Variants in NDP observed in about 807,000 individuals in gnomAD.
NDP encodes norrin cystine knot growth factor NDP, also known as norrin.
A neutral mutation model predicts 8.4 loss-of-function variants in NDP; 2 were observed. The observed-to-expected ratio is 0.24, with a 90% CI of 0.10 to 0.75. NDP has a LOEUF of 0.75. Among genes scored for constraint, NDP ranks in the 30% least tolerant of loss-of-function variants. The pLI is 0.73. For missense variants in NDP, 81 were observed against 110.1 expected (o/e 0.74, Z 1.18); for synonymous variants, 55 against 45.6 (o/e 1.21, Z -0.83).
intron 2 of NDP, among the ~76,000 whole-genome samples, 156 bp downstream of exon 2, chrX:43,958,316 G>A (rs951524781): frequency 8.9e-6 from 1 of 112,506 alleles, no homozygotes; most frequent in South Asian, 3.7e-4. Context: ...AGCACGGGGG[G>A]AAATTCTAAA....
At chrX:43,959,829 G>A (rs1474143924) in intron 1 of NDP, among the ~76,000 whole-genome samples, 1 of 111,624 alleles carries the variant, frequency 9.0e-6, no homozygotes, top group African/African-American at 3.3e-5. Flanking sequence ...AAAACAAAAG[G>A]AACATGATAA....
chrX:43,971,504 T>C (rs2035890925), intron 1 of NDP, among the ~76,000 whole-genome samples: 1 of 111,643 alleles, frequency 9.0e-6, no homozygotes, highest in Non-Finnish European at 1.9e-5. Context: ...TCTGTGGGTG[T>C]CAGCTGCTTG....
chrX:43,958,281 G>A (rs780106897), intron 2 of NDP, among the ~76,000 whole-genome samples, 191 bp downstream of exon 2: 1 of 112,430 alleles, frequency 8.9e-6, no homozygotes, highest in African/African-American at 3.2e-5. Context: ...TGATTGATTA[G>A]GCACTTTTAC....
chrX:43,954,136 C>G (rs940838391), intron 2 of NDP, among the ~76,000 whole-genome samples: 10 of 112,049 alleles, frequency 8.9e-5, no homozygotes, highest in South Asian at 3.8e-4. Flanking sequence ...ATTTCCATGG[C>G]ACCTCTTGAA....
intron 2 of NDP, among the ~76,000 whole-genome samples, chrX:43,952,369 G>A (rs1438877465): frequency 1.8e-5 from 2 of 111,718 alleles, no homozygotes; most frequent in Non-Finnish European, 3.8e-5. Context: ...CTATTAGGTT[G>A]ACTAAGCAGT....
At chrX:43,964,173 C>T (rs1411006479) in intron 1 of NDP, among the ~76,000 whole-genome samples, 1 of 111,668 alleles carries the variant, frequency 9.0e-6, no homozygotes, top group Non-Finnish European at 1.9e-5. Flanking sequence ...TAATAGTCCT[C>T]CAGTCTGTGA....
intron 2 of NDP, among the ~76,000 whole-genome samples, chrX:43,951,632 C>A: frequency 9.0e-6 from 1 of 111,608 alleles, no homozygotes. Context: ...GAATTAAACA[C>A]CCAAGGTTTA....
At chrX:43,957,298 T>C (rs1350128290) in intron 2 of NDP, among the ~76,000 whole-genome samples, 1 of 107,541 alleles carries the variant, frequency 9.3e-6, no homozygotes, top group African/African-American at 3.4e-5. Context: ...TAAGAAGGAA[T>C]TGTGGCCCTG....
At chrX:43,973,149 A>G (rs1217985534) in intron 1 of NDP, among the ~76,000 whole-genome samples, 155 bp downstream of exon 1, 1 of 112,951 alleles carries the variant, frequency 8.9e-6, no homozygotes, top group African/African-American at 3.2e-5. Flanking sequence ...TTTAAGAAAC[A>G]CAATGCTAGC....
chrX:43,967,207 C>A (rs748967614), intron 1 of NDP, among the ~76,000 whole-genome samples: 1 of 111,090 alleles, frequency 9.0e-6, no homozygotes, highest in South Asian at 3.8e-4. Flanking sequence ...TATTCTGCTG[C>A]CTTTGGATTC....
At chrX:43,950,668 T>C (rs1224051143) in intron 2 of NDP, among the ~76,000 whole-genome samples, 2 of 111,141 alleles carry the variant, frequency 1.8e-5, no homozygotes, top group African/African-American at 6.5e-5. Flanking sequence ...TGAAGGAGCC[T>C]GGGATTTATG....
intron 2 of NDP, 134 bp downstream of exon 2, chrX:43,958,338 C>T: frequency 2.6e-6 from 2 of 773,294 alleles, no homozygotes; most frequent in Non-Finnish European, 3.9e-6. Flanking sequence ...GCCTCATTCT[C>T]CCACAAGCCC....
chrX:43,963,435 A>G (rs1403548385), intron 1 of NDP, among the ~76,000 whole-genome samples: 1 of 112,134 alleles, frequency 8.9e-6, no homozygotes, highest in Non-Finnish European at 1.9e-5. Context: ...TTAAGCAAAT[A>G]AAATATAATG....
chrX:43,952,956 C>T (rs1407433124), intron 2 of NDP, among the ~76,000 whole-genome samples: 1 of 111,143 alleles, frequency 9.0e-6, no homozygotes, highest in Non-Finnish European at 1.9e-5. Context: ...AAGAAAGTGC[C>T]CTGAATTCTC....
chrX:43,958,126 A>G (rs1324950709), intron 2 of NDP, among the ~76,000 whole-genome samples: 1 of 111,333 alleles, frequency 9.0e-6, no homozygotes, highest in Non-Finnish European at 1.9e-5. Context: ...CATTCTTTGC[A>G]TTCTCTTCCT....
chrX:43,963,344 T>C (rs17146762), intron 1 of NDP, among the ~76,000 whole-genome samples: 29,389 of 87,503 alleles, frequency 0.34, 3,075 homozygotes, highest in African/African-American at 0.38. Context: ...TTTTCCTGGA[T>C]GGTTTTTAGA....
chrX:43,959,694 CCTCA>C (rs1190628589), intron 1 of NDP, among the ~76,000 whole-genome samples: 1 of 111,826 alleles, frequency 8.9e-6, no homozygotes, highest in Non-Finnish European at 1.9e-5. Flanking sequence ...CTCCAGATTA[CCTCA>C]CTAACTCCCC....
chrX:43,971,485 A>C (rs777210413), intron 1 of NDP, among the ~76,000 whole-genome samples: 1 of 111,451 alleles, frequency 9.0e-6, no homozygotes, highest in African/African-American at 3.3e-5. Flanking sequence ...CTCCACAGGC[A>C]CATTTCCATC....
intron 1 of NDP, among the ~76,000 whole-genome samples, chrX:43,963,369 C>A (rs767706092): frequency 6.3e-5 from 7 of 111,205 alleles, no homozygotes; most frequent in Non-Finnish European, 1.3e-4. Context: ...TTGATAAACT[C>A]TCTGAACATC....
Sources: gnomAD v4.1 joint callset for allele counts (sites outside exome capture counted in the v4.1 genomes callset) on GRCh38, gnomAD v4.1.1 for gene constraint, MANE v1.5 for transcripts, NCBI Gene and HGNC (gene_info 2026-07-23, HGNC 2026-07-21) for gene names.